The following CHST11 variants were observed in gnomAD, a reference collection of about 807,000 sequenced individuals.
CHST11 encodes C4S-1.
Under a neutral mutation model 30.4 loss-of-function variants are expected in CHST11, and 9 were observed. The observed-to-expected ratio is 0.30, with a 90% CI of 0.18 to 0.52. The LOEUF is 0.52. Ranked by LOEUF, CHST11 falls within the 20% of genes least tolerant of loss-of-function variation. CHST11 has a pLI of 0.97. For missense variants in CHST11, 348 were observed against 460.6 expected (o/e 0.76, Z 2.24); for synonymous variants, 152 against 187.8 (o/e 0.81, Z 1.56).
At chr12:104,640,921 C>T (rs1037151953) in intron 2 of CHST11, among the ~76,000 whole-genome samples, 1 of 152,150 alleles carries the variant, frequency 6.6e-6, no homozygotes, top group Non-Finnish European at 1.5e-5. Context: ...TGTTTTCCCG[C>T]TCAAATGTTG....
chr12:104,584,275 T>TC (rs1272257058), intron 1 of CHST11, among the ~76,000 whole-genome samples: 66 of 151,106 alleles, frequency 4.4e-4, no homozygotes, highest in African/African-American at 1.5e-3. Flanking sequence ...TTTTTTTTTT[T>TC]TCACAGCGTC....
intron 2 of CHST11, among the ~76,000 whole-genome samples, chr12:104,693,903 A>C (rs1309525216): frequency 6.6e-6 from 1 of 152,216 alleles, no homozygotes; most frequent in Non-Finnish European, 1.5e-5. Flanking sequence ...AGGATCTGTC[A>C]CTTTTTCTTA....
intron 1 of CHST11, among the ~76,000 whole-genome samples, chr12:104,504,619 A>G (rs964634059): frequency 6.6e-6 from 1 of 152,170 alleles, no homozygotes; most frequent in African/African-American, 2.4e-5. Context: ...AGTGATTCCT[A>G]AAAGCCTGTT....
At chr12:104,653,909 C>G (rs1007770632) in intron 2 of CHST11, among the ~76,000 whole-genome samples, 2 of 152,132 alleles carry the variant, frequency 1.3e-5, no homozygotes, top group Non-Finnish European at 2.9e-5. Context: ...GGGTGCTGTG[C>G]TTCTATTTCA....
At chr12:104,496,137 G>C (rs1297942463) in intron 1 of CHST11, among the ~76,000 whole-genome samples, 3 of 152,190 alleles carry the variant, frequency 2.0e-5, no homozygotes, top group African/African-American at 7.2e-5. Context: ...TGAGGAGAGA[G>C]GCACAACATT....
At chr12:104,669,058 C>T (rs539426162) in intron 2 of CHST11, among the ~76,000 whole-genome samples, 3 of 152,206 alleles carry the variant, frequency 2.0e-5, no homozygotes, top group Non-Finnish European at 4.4e-5. Flanking sequence ...AACACGGCCC[C>T]CAGGCACTGA....
intron 2 of CHST11, among the ~76,000 whole-genome samples, chr12:104,659,800 G>A (rs987684523): frequency 3.1e-5 from 4 of 128,426 alleles, no homozygotes; most frequent in Admixed American, 1.6e-4. Flanking sequence ...ACCCCCCCCC[G>A]CCCCCACCAT....
chr12:104,461,426 C>T (rs1238854073), intron 1 of CHST11, among the ~76,000 whole-genome samples: 1 of 152,212 alleles, frequency 6.6e-6, no homozygotes, highest in Non-Finnish European at 1.5e-5. Context: ...AGTTCATCAG[C>T]TTGCATTAAA....
At chr12:104,554,962 A>C (rs1422805220) in intron 1 of CHST11, among the ~76,000 whole-genome samples, 2 of 152,192 alleles carry the variant, frequency 1.3e-5, no homozygotes, top group Non-Finnish European at 2.9e-5. Context: ...TTACTGAGTT[A>C]CTGGAAAATC....
chr12:104,669,503 T>C (rs904498315), intron 2 of CHST11, among the ~76,000 whole-genome samples: 1 of 152,172 alleles, frequency 6.6e-6, no homozygotes, highest in Non-Finnish European at 1.5e-5. Flanking sequence ...CCTCCAGACC[T>C]GGGTGCATTC....
In CHST11 at chr12:104,679,413, C is replaced by T. The variant is rs183907685; in HGVS notation, c.204+77422C>T. ...CGAGGCCTGGAACCAATTCAGGCCCCGGAGCCTCCGCGTCCTGCTCCATAT... is the reference window on the plus strand; with the variant it reads ...CGAGGCCTGGAACCAATTCAGGCCCTGGAGCCTCCGCGTCCTGCTCCATAT... On this transcript the variant is annotated intron_variant, in intron 2 of 2. Transcript: ENST00000303694. Among the ~76,000 whole-genome samples, 315 of 152,252 alleles carry T rather than the reference C, an allele frequency of 2.1e-3. 9 individuals carry two copies. Among genetic ancestry groups the T allele is most frequent in the Admixed American group, 0.02 (307 of 15,296 alleles).
intron 1 of CHST11, among the ~76,000 whole-genome samples, chr12:104,599,385 G>A (rs2038937209): frequency 1.3e-5 from 2 of 152,224 alleles, no homozygotes; most frequent in East Asian, 1.9e-4. Flanking sequence ...CATGGGCCTC[G>A]ATGAGCCCGT....
At chr12:104,605,208 G>A (rs924509258) in intron 2 of CHST11, among the ~76,000 whole-genome samples, 4 of 151,262 alleles carry the variant, frequency 2.6e-5, no homozygotes, top group African/African-American at 9.7e-5. Flanking sequence ...AAAGGGTTGG[G>A]AAAATTGGGA....
chr12:104,652,002 G>A (rs572858005), intron 2 of CHST11, among the ~76,000 whole-genome samples: 3 of 152,298 alleles, frequency 2.0e-5, no homozygotes, highest in Admixed American at 1.3e-4. Context: ...GCTGGGTGAC[G>A]TTAGACAAGG....
chr12:104,559,555 C>A (rs1228483324), intron 1 of CHST11, among the ~76,000 whole-genome samples: 1 of 152,114 alleles, frequency 6.6e-6, no homozygotes, highest in African/African-American at 2.4e-5. Context: ...CCAGCCTGAC[C>A]AACATGGTAA....
chr12:104,595,852 G>T lies in CHST11; in HGVS notation c.119-6054G>T, dbSNP rs185539816. Among the ~76,000 whole-genome samples, 265 of 152,346 alleles carry T rather than the reference G, an allele frequency of 1.7e-3. 2 individuals carry two copies. The highest frequency in any genetic ancestry group is 6.1e-3 in the African/African-American group (255 of 41,586). On this transcript the variant is annotated intron_variant, in intron 1 of 2. Transcript: ENST00000303694. ...TAGTTAATGGGTAAAACTAGGACTTGAATCCAATTCTGGTTGAAGCTTCTC... is the reference window on the plus strand; with the variant it reads ...TAGTTAATGGGTAAAACTAGGACTTTAATCCAATTCTGGTTGAAGCTTCTC...
At chr12:104,731,436 C>T (rs992487703) in intron 2 of CHST11, among the ~76,000 whole-genome samples, 1 of 152,182 alleles carries the variant, frequency 6.6e-6, no homozygotes, top group Non-Finnish European at 1.5e-5. Context: ...CCTGCTTGGG[C>T]TGGAAGTATG....
chr12:104,522,439 C>T (rs1459378710), intron 1 of CHST11, among the ~76,000 whole-genome samples: 4 of 152,132 alleles, frequency 2.6e-5, no homozygotes, highest in African/African-American at 9.7e-5. Context: ...TTCAAGACAG[C>T]CTTTTGCCTG....
intron 2 of CHST11, among the ~76,000 whole-genome samples, chr12:104,740,033 G>C (rs1298043280): frequency 6.6e-6 from 1 of 152,198 alleles, no homozygotes; most frequent in African/African-American, 2.4e-5. Flanking sequence ...TGAGATCAGG[G>C]AGACACTGAT....
Sources: allele counts gnomAD v4.1 joint callset (sites outside exome capture counted in the v4.1 genomes callset), GRCh38; gene constraint gnomAD v4.1.1; transcripts MANE v1.5; gene names NCBI Gene and HGNC (gene_info 2026-07-23, HGNC 2026-07-21).